PHACTR1: variants seen among roughly 807,000 people sequenced by gnomAD.
PHACTR1 encodes phosphatase and actin regulator 1.
In PHACTR1, 16 loss-of-function variants were observed where a neutral mutation model predicts 69.2. That is an observed-to-expected ratio of 0.23 (90% CI 0.16 to 0.35). The LOEUF is 0.35. Among genes scored for constraint, PHACTR1 ranks in the 10% least tolerant of loss-of-function variants. The pLI is 1.00. For synonymous variants in PHACTR1, 312 were observed against 284.5 expected (o/e 1.10, Z -0.97); for missense variants, 510 against 734.7 (o/e 0.69, Z 3.54).
Position 12,992,458 on chromosome 6 carries a change from A to C in PHACTR1, c.251-60907A>C, listed in dbSNP as rs569529435. ...AACCAGTTGAAGAAGAGGTCAGAAC[A>C]ATCAGGTTCCATAGACATCTCCCAG... On this transcript the variant is annotated intron_variant, in intron 4 of 14. Transcript: ENST00000332995. Among the ~76,000 whole-genome samples the C allele has an allele frequency of 4.5e-4, 68 of 152,286 alleles. No individual in the cohort carries two copies. In the South Asian group the frequency reaches 0.013, roughly 30 times the overall value.
intron 4 of PHACTR1, among the ~76,000 whole-genome samples, chr6:12,837,543 T>G (rs1055750758): frequency 1.3e-5 from 2 of 152,168 alleles, no homozygotes; most frequent in Admixed American, 6.6e-5. Context: ...TCCATTCTAC[T>G]TCTGAAAAAT....
intron 3 of PHACTR1, among the ~76,000 whole-genome samples, chr6:12,725,828 A>G (rs1377337312): frequency 8.5e-5 from 13 of 152,112 alleles, no homozygotes; most frequent in Non-Finnish European, 1.8e-4. Context: ...AAATGTCTCT[A>G]TTGAACTGAT....
At chr6:13,152,445 T>C (rs995327066) in intron 5 of PHACTR1, among the ~76,000 whole-genome samples, 1 of 152,196 alleles carries the variant, frequency 6.6e-6, no homozygotes, top group African/African-American at 2.4e-5. Context: ...CATGGGGAAC[T>C]GGCTTTCGTA....
chr6:13,073,540 C>T (rs1258236224), intron 5 of PHACTR1, among the ~76,000 whole-genome samples: 1 of 151,454 alleles, frequency 6.6e-6, no homozygotes, highest in Admixed American at 6.6e-5. Flanking sequence ...GAAGGGGTTT[C>T]ACCATGTTGT....
chr6:12,933,221 G>T (rs1417926719), intron 4 of PHACTR1, among the ~76,000 whole-genome samples: 1 of 152,092 alleles, frequency 6.6e-6, no homozygotes, highest in Non-Finnish European at 1.5e-5. Context: ...GGGATTACAG[G>T]CATGAGCCAC....
At chr6:12,995,826 T>G (rs1388983602) in intron 4 of PHACTR1, among the ~76,000 whole-genome samples, 1 of 152,056 alleles carries the variant, frequency 6.6e-6, no homozygotes, top group African/African-American at 2.4e-5. Context: ...CACAGTAACT[T>G]ATACATTAGT....
At chr6:12,753,167 C>A (rs1766831259) in intron 4 of PHACTR1, among the ~76,000 whole-genome samples, 1 of 152,210 alleles carries the variant, frequency 6.6e-6, no homozygotes, top group African/African-American at 2.4e-5. Context: ...GCAAGTGTTT[C>A]TAATTGTATT....
intron 4 of PHACTR1, among the ~76,000 whole-genome samples, chr6:12,928,700 CAG>C (rs976827818): frequency 1.5e-5 from 2 of 135,694 alleles, no homozygotes; most frequent in African/African-American, 5.5e-5. Flanking sequence ...GGGGGCAGGA[CAG>C]AGAGAAAATT....
chr6:13,149,633 G>T lies in PHACTR1; in HGVS notation c.416-10571G>T, dbSNP rs376434935. On this transcript the variant is annotated intron_variant, in intron 5 of 14. Coordinates refer to ENST00000332995, the MANE Select transcript of PHACTR1 (RefSeq NM_030948.6). ...CGTCGACTCTGCTAAAGTTCCTACT[G>T]TGATCATGGGGGAGGGGCTAACAGA... 3.9e-4 allele frequency among the ~76,000 whole-genome samples: 60 copies of T among 152,238 alleles called. No homozygotes were observed. In the South Asian group the frequency reaches 4.4e-3, roughly 11 times the overall value.
intron 6 of PHACTR1, among the ~76,000 whole-genome samples, chr6:13,181,204 G>A (rs573283352): frequency 6.6e-6 from 1 of 151,960 alleles, no homozygotes; most frequent in South Asian, 2.1e-4. Flanking sequence ...AATCGGGCGG[G>A]GGTGGGCCAA....
chr6:13,081,068 C>T (rs1811299660), intron 5 of PHACTR1, among the ~76,000 whole-genome samples: 1 of 152,072 alleles, frequency 6.6e-6, no homozygotes, highest in African/African-American at 2.4e-5. Flanking sequence ...GTCCAGAGTG[C>T]AGTATTTAAA....
chr6:13,165,153 A>G, intron 6 of PHACTR1, among the ~76,000 whole-genome samples: 1 of 152,324 alleles, frequency 6.6e-6, no homozygotes, highest in African/African-American at 2.4e-5. Context: ...AGAAAATTAT[A>G]GGTTCTTTTT....
chr6:12,929,679 C>T (rs1314272600), intron 4 of PHACTR1, among the ~76,000 whole-genome samples: 2 of 152,200 alleles, frequency 1.3e-5, no homozygotes, highest in South Asian at 2.1e-4. Flanking sequence ...CTTTTGAGGA[C>T]TGTTTATTCA....
chr6:12,723,517 A>AG (rs56973401), intron 3 of PHACTR1, among the ~76,000 whole-genome samples: 78,523 of 141,166 alleles, frequency 0.56, 22,187 homozygotes, highest in East Asian at 0.87. Context: ...AGAGAGAGAG[A>AG]GGGGTCTGGC....
chr6:12,879,731 T>C (rs1292019306), intron 4 of PHACTR1, among the ~76,000 whole-genome samples: 1 of 152,162 alleles, frequency 6.6e-6, no homozygotes, highest in Non-Finnish European at 1.5e-5. Context: ...TTATTCCCAT[T>C]TTTTTCAGAT....
chr6:13,153,595 T>C (rs901551836), intron 5 of PHACTR1, among the ~76,000 whole-genome samples: 2 of 152,230 alleles, frequency 1.3e-5, no homozygotes, highest in Non-Finnish European at 2.9e-5. Flanking sequence ...CTGGTTTATG[T>C]AGTTCTCTTT....
intron 3 of PHACTR1, among the ~76,000 whole-genome samples, chr6:12,747,480 A>G (rs1018562172): frequency 2.0e-5 from 3 of 152,088 alleles, no homozygotes; most frequent in Non-Finnish European, 4.4e-5. Flanking sequence ...CCTGGACAAC[A>G]TACTGAGACC....
chr6:12,726,749 G>C (rs1762844706), intron 3 of PHACTR1, among the ~76,000 whole-genome samples: 1 of 152,166 alleles, frequency 6.6e-6, no homozygotes, highest in Non-Finnish European at 1.5e-5. Flanking sequence ...GGCAGGAACA[G>C]TGCTTGCAAG....
chr6:12,723,482 CCTTTT>C (rs1175792914), intron 3 of PHACTR1, among the ~76,000 whole-genome samples: 1 of 148,028 alleles, frequency 6.8e-6, no homozygotes, highest in Non-Finnish European at 1.5e-5. Flanking sequence ...CTTGTTTTGG[CCTTTT>C]CTTTTTTTTT....
Sources: gnomAD v4.1 joint callset for allele counts (sites outside exome capture counted in the v4.1 genomes callset) on GRCh38, gnomAD v4.1.1 for gene constraint, MANE v1.5 for transcripts, NCBI Gene and HGNC (gene_info 2026-07-23, HGNC 2026-07-21) for gene names.